The following SORCS2 variants were observed in gnomAD, a reference collection of about 807,000 sequenced individuals.
The protein encoded by SORCS2 is VPS10 domain-containing receptor SorCS2.
Under a neutral mutation model 141.6 loss-of-function variants are expected in SORCS2, and 100 were observed. That is an observed-to-expected ratio of 0.71 (90% confidence interval 0.60 to 0.83). The LOEUF is 0.83. Among genes scored for constraint, SORCS2 ranks in the 40% least tolerant of loss-of-function variants. SORCS2 has a pLI of 0.00. For synonymous variants in SORCS2, 789 were observed against 676.9 expected, an observed-to-expected ratio of 1.17 and a Z score of -2.57; for missense variants, 1,646 against 1,560.2, an observed-to-expected ratio of 1.05 and a Z score of -0.93.
intron 2 of SORCS2, among the ~76,000 whole-genome samples, chr4:7,452,315 AT>A (rs1728512938): frequency 1.3e-5 from 2 of 151,650 alleles, no homozygotes; most frequent in African/African-American, 4.9e-5. Flanking sequence ...TAATTTTTGT[AT>A]TTTTTAGTAG....
At chr4:7,534,946 A>G (rs1329082181) in intron 3 of SORCS2, among the ~76,000 whole-genome samples, 3 of 152,116 alleles carry the variant, frequency 2.0e-5, no homozygotes, top group Non-Finnish European at 2.9e-5. Context: ...GGGAGTAGGG[A>G]GGCCGAGGCT....
At chr4:7,248,023 A>C (rs1442357804) in intron 1 of SORCS2, among the ~76,000 whole-genome samples, 2 of 152,202 alleles carry the variant, frequency 1.3e-5, no homozygotes, top group East Asian at 3.8e-4. Context: ...TCAAGGGAGC[A>C]GGGTGTCTTC....
intron 1 of SORCS2, among the ~76,000 whole-genome samples, chr4:7,385,036 A>G (rs956149461): frequency 3.9e-5 from 6 of 152,204 alleles, no homozygotes; most frequent in African/African-American, 1.4e-4. Flanking sequence ...GCATTTGTGG[A>G]TCCCAAGCTT....
chr4:7,509,174 C>T (rs1008499659), intron 2 of SORCS2, among the ~76,000 whole-genome samples: 5 of 152,148 alleles, frequency 3.3e-5, no homozygotes, highest in African/African-American at 1.2e-4. Flanking sequence ...GGTGAGGCAG[C>T]CCACATTAGA....
intron 1 of SORCS2, among the ~76,000 whole-genome samples, chr4:7,224,974 G>GATGT (rs1464427457): frequency 6.6e-6 from 1 of 152,246 alleles, no homozygotes; most frequent in African/African-American, 2.4e-5. Flanking sequence ...CATGGAGAGT[G>GATGT]ATGTATGCAA....
intron 1 of SORCS2, among the ~76,000 whole-genome samples, chr4:7,270,329 A>C (rs1452953467): frequency 1.3e-5 from 2 of 152,256 alleles, no homozygotes; most frequent in Non-Finnish European, 2.9e-5. Context: ...ATAAACGTCA[A>C]GTGGCAGCTC....
intron 2 of SORCS2, among the ~76,000 whole-genome samples, chr4:7,419,287 C>T (rs531068189): frequency 6.6e-6 from 1 of 152,078 alleles, no homozygotes; most frequent in African/African-American, 2.4e-5. Flanking sequence ...GTCCTGAGGG[C>T]AAAGCTAGGA....
chr4:7,626,267 G>A (rs775084769), intron 3 of SORCS2, among the ~76,000 whole-genome samples: 20 of 152,314 alleles, frequency 1.3e-4, no homozygotes, highest in Admixed American at 3.3e-4. Flanking sequence ...ACTTTCTTAA[G>A]CTTTTGCTTA....
chr4:7,483,322 C>CAA (rs34942012), intron 2 of SORCS2, among the ~76,000 whole-genome samples: 4,366 of 75,656 alleles, frequency 0.058, 227 homozygotes, highest in African/African-American at 0.14. Flanking sequence ...GACTCCATCT[C>CAA]AAAAAAAAAA....
chr4:7,362,217 C>T (rs937324724), intron 1 of SORCS2, among the ~76,000 whole-genome samples: 7 of 152,044 alleles, frequency 4.6e-5, no homozygotes, highest in South Asian at 2.1e-4. Context: ...TATCCATAGC[C>T]GCCAGTCGTC....
chr4:7,504,649 C>T (rs1285787507), intron 2 of SORCS2, among the ~76,000 whole-genome samples: 1 of 152,182 alleles, frequency 6.6e-6, no homozygotes, highest in Non-Finnish European at 1.5e-5. Flanking sequence ...CACACAGAGC[C>T]ACATTTAGGA....
intron 1 of SORCS2, among the ~76,000 whole-genome samples, chr4:7,328,911 A>G (rs1386257607): frequency 6.6e-6 from 1 of 152,140 alleles, no homozygotes; most frequent in East Asian, 1.9e-4. Context: ...CAGTTAGCTC[A>G]GGGGAGGGAC....
intron 3 of SORCS2, among the ~76,000 whole-genome samples, chr4:7,612,824 A>C (rs1399076092): frequency 6.6e-6 from 1 of 152,242 alleles, no homozygotes; most frequent in Non-Finnish European, 1.5e-5. Flanking sequence ...CCTGGTACAA[A>C]GCCTGGCCCA....
At position 7,737,581 on chromosome 4, in the gene SORCS2, G is replaced by A. The variant is rs548929478; in HGVS notation, c.3415+409G>A. On this transcript the variant is annotated intron_variant, in intron 26 of 26. Coordinates refer to ENST00000507866, the MANE Select transcript of SORCS2 (RefSeq NM_020777.3). ...CCCAGTCCTCCACTTCACTGCAGTG[G>A]TGATCTAGGGAGCACGCCACACATG... is the stretch of plus-strand genomic sequence containing the variant. Among the ~76,000 whole-genome samples, 4 of 152,268 alleles carry A rather than the reference G, an allele frequency of 2.6e-5. No individual in the cohort carries two copies. The East Asian group carries it at 7.7e-4, about 29-fold the overall frequency.
In SORCS2 at chr4:7,742,253, C is replaced by T. The variant is rs1221683974; in HGVS notation, c.*1989C>T. 6.6e-6 allele frequency: 1 copy of T among 152,272 alleles called. No homozygotes were observed. 9.4% of individuals were successfully genotyped at this position (152,272 alleles called of 1,614,324 possible). On this transcript the variant is annotated 3_prime_UTR_variant, in exon 27 of 27. Transcript: ENST00000507866. ...GGACACCTTTGCAGGGATTCTTGTC[C>T]TGCTGGCCACCCCACCCACACCTGT...
intron 1 of SORCS2, among the ~76,000 whole-genome samples, chr4:7,224,076 G>T (rs1728865199): frequency 6.6e-6 from 1 of 152,200 alleles, no homozygotes. Flanking sequence ...GTGGGGGAAG[G>T]CTGTGTGGCC....
chr4:7,432,686 G>A (rs557121211), intron 2 of SORCS2: 1 of 143,440 alleles, frequency 7.0e-6, no homozygotes, highest in Non-Finnish European at 1.5e-5. Flanking sequence ...GCTGAGACAT[G>A]GGGGGGGACT....
At chr4:7,304,142 AC>A (rs1056053598) in intron 1 of SORCS2, among the ~76,000 whole-genome samples, 3 of 152,250 alleles carry the variant, frequency 2.0e-5, no homozygotes, top group African/African-American at 7.2e-5. Context: ...GCTGGAGATA[AC>A]AGCAAAGAGC....
intron 2 of SORCS2, among the ~76,000 whole-genome samples, chr4:7,507,746 A>T (rs978721083): frequency 2.0e-5 from 2 of 99,758 alleles, no homozygotes; most frequent in Non-Finnish European, 4.6e-5. Context: ...TGTACTTCCA[A>T]TGGGGGGAAA....
Sources: gnomAD v4.1 joint callset for allele counts (sites outside exome capture counted in the v4.1 genomes callset) on GRCh38, gnomAD v4.1.1 for gene constraint, MANE v1.5 for transcripts, NCBI Gene and HGNC (gene_info 2026-07-23, HGNC 2026-07-21) for gene names.